The following ANP32B variants were observed in gnomAD, a reference collection of about 807,000 sequenced individuals.
ANP32B encodes acidic nuclear phosphoprotein 32 family member B, also known as acidic leucine-rich nuclear phosphoprotein 32 family member B.
Under a neutral mutation model 32.2 loss-of-function variants are expected in ANP32B, and 6 were observed. The observed-to-expected ratio is 0.19, with a 90% CI of 0.10 to 0.37. The LOEUF (loss-of-function observed/expected upper bound fraction) is 0.37, where lower values mean the gene tolerates loss of function less well. Ranked by LOEUF, ANP32B falls within the 10% of genes least tolerant of loss-of-function variation. ANP32B has a pLI of 1.00. For synonymous variants in ANP32B, 98 were observed against 105.8 expected (o/e 0.93, Z 0.45); for missense variants, 204 against 289.2 (o/e 0.71, Z 2.14).
rs375711808 is a variant in ANP32B, at chr9:97,988,638, T to C, written c.54+5029T>C. On this transcript the variant is annotated intron_variant, in intron 1 of 6. Coordinates refer to ENST00000339399, the MANE Select transcript of ANP32B (RefSeq NM_006401.3). Reference sequence around the variant, plus strand: ...TATTCTGGAGGCTGAGGCAGGAGAATTGCTTGAACCCCGGGGACAGAGTTT... The same window carrying C: ...TATTCTGGAGGCTGAGGCAGGAGAACTGCTTGAACCCCGGGGACAGAGTTT... 7.9e-5 allele frequency among the ~76,000 whole-genome samples: 12 copies of C among 152,150 alleles called. No homozygotes were observed. The South Asian group carries it at 2.5e-3, about 32-fold the overall frequency.
chr9:97,998,267 T>C (rs1242922780), intron 2 of ANP32B, among the ~76,000 whole-genome samples: 2 of 152,248 alleles, frequency 1.3e-5, no homozygotes, highest in African/African-American at 2.4e-5. Flanking sequence ...GGATTCTAAT[T>C]GGTTTTGACC....
intron 4 of ANP32B, chr9:98,005,373 G>C (rs1828062620): frequency 6.1e-6 from 2 of 330,138 alleles, no homozygotes; most frequent in African/African-American, 2.2e-5. Context: ...AAATTAGCCA[G>C]GTGTGGTGGC....
At chr9:98,015,312 C>G in intron 6 of ANP32B, 52 bp from the exon 7 acceptor site, 1 of 1,542,518 alleles carries the variant, frequency 6.5e-7, no homozygotes, top group South Asian at 1.2e-5. Context: ...TGGCAATAAT[C>G]TAAGCAAAAT....
rs1827633620 is a variant in ANP32B at position 97,983,543 on chromosome 9, G to GGAAGAGGGGA, written c.-12_-3dup. ...GCGGAAAGTTAAGTTTGAAGAGGGG[G>GGAAGAGGGGA]GAAGAGGGGAACATGGACATGAAGA... On this transcript the variant is annotated 5_prime_UTR_variant, in exon 1 of 7. Coordinates refer to ENST00000339399, the MANE Select transcript of ANP32B (RefSeq NM_006401.3). 1 of 1,571,314 alleles carries GGAAGAGGGGA rather than the reference G, an allele frequency of 6.4e-7. No homozygotes were observed. Among genetic ancestry groups the GGAAGAGGGGA allele is most frequent in the African/African-American group, 1.4e-5 (1 of 72,968 alleles).
intron 1 of ANP32B, among the ~76,000 whole-genome samples, chr9:97,990,972 A>G (rs1297351207): frequency 6.6e-6 from 1 of 152,032 alleles, no homozygotes; most frequent in Non-Finnish European, 1.5e-5. Context: ...GGTGCACACC[A>G]CCATGCCCGG....
intron 1 of ANP32B, 108 bp from the exon 2 acceptor site, chr9:97,994,523 C>T (rs1827875407): frequency 9.5e-7 from 1 of 1,053,222 alleles, no homozygotes; most frequent in South Asian, 1.6e-5. Flanking sequence ...AAGAGGCTGC[C>T]TGTATATATG....
Position 98,014,953 on chromosome 9 carries a change from A to G in ANP32B, c.689-411A>G, listed in dbSNP as rs569049168. The stretch of plus-strand genomic sequence containing the variant: ...TTTTTAGTAGAGACGGAGTTTCACC[A>G]TGTTGGCCAGGGTGGTCTGGAACTC... On this transcript the variant is annotated intron_variant, in intron 6 of 6. Coordinates refer to ENST00000339399, the MANE Select transcript of ANP32B (RefSeq NM_006401.3). 2.5e-4 allele frequency among the ~76,000 whole-genome samples: 38 copies of G among 152,330 alleles called. No individual in the cohort carries two copies. In the South Asian group the frequency reaches 7.2e-3, roughly 29 times the overall value.
intron 1 of ANP32B, among the ~76,000 whole-genome samples, chr9:97,994,185 T>C (rs1480824238): frequency 6.6e-6 from 1 of 152,174 alleles, no homozygotes; most frequent in African/African-American, 2.4e-5. Flanking sequence ...CAGAATCTCT[T>C]AGTGGTCTTG....
intron 3 of ANP32B, among the ~76,000 whole-genome samples, chr9:98,001,877 T>C (rs1827998874): frequency 6.6e-6 from 1 of 151,084 alleles, no homozygotes; most frequent in African/African-American, 2.4e-5. Context: ...CGATACAAAG[T>C]GGATAGAAAT....
chr9:98,012,481 A>C lies in ANP32B; in HGVS notation c.688+9A>C. 3 of 1,610,602 alleles carry C rather than the reference A, an allele frequency of 1.9e-6. No homozygotes were observed. Among genetic ancestry groups the C allele is most frequent in the Non-Finnish European group, 1.7e-6 (2 of 1,179,334 alleles). ...TGAGGATGAGGATGAAGGTGGGCCT[A>C]ATGCATGCATTTTGATCATTCTCAG... On this transcript the variant is annotated intron_variant, in intron 6 of 6. Coordinates refer to ENST00000339399, the MANE Select transcript of ANP32B (RefSeq NM_006401.3).
chr9:97,990,507 G>A lies in ANP32B; in HGVS notation c.55-4124G>A, dbSNP rs142031413. Among the ~76,000 whole-genome samples, 1,129 of 152,236 alleles carry A rather than the reference G, an allele frequency of 7.4e-3. 6 individuals are homozygous for A. Among genetic ancestry groups the A allele is most frequent in the South Asian group, 0.027 (132 of 4,820 alleles). On this transcript the variant is annotated intron_variant, in intron 1 of 6. Coordinates refer to ENST00000339399, the MANE Select transcript of ANP32B (RefSeq NM_006401.3). ...CTCATCTTCTCAGTATGCTTCTGGC[G>A]TTCTGTTCTTGGGGTGGCATGTTTC...
At chr9:97,995,621 G>A (rs969564781) in intron 2 of ANP32B, among the ~76,000 whole-genome samples, 2 of 151,986 alleles carry the variant, frequency 1.3e-5, no homozygotes, top group East Asian at 1.9e-4. Flanking sequence ...GGTGGAGTGG[G>A]TTAAGTATAA....
At chr9:98,015,330 C>T (rs975617321) in intron 6 of ANP32B, 34 bp from the exon 7 acceptor site, 8 of 1,547,748 alleles carry the variant, frequency 5.2e-6, no homozygotes, top group Non-Finnish European at 7.0e-6. Flanking sequence ...AATGCCTTTC[C>T]ACTGTCCTAA....
intron 1 of ANP32B, among the ~76,000 whole-genome samples, chr9:97,987,276 C>G (rs894212439): frequency 6.6e-6 from 1 of 152,098 alleles, no homozygotes; most frequent in Admixed American, 6.5e-5. Context: ...AAGTAATCTT[C>G]ATGAAGAATG....
intron 6 of ANP32B, 144 bp downstream of exon 6, chr9:98,012,616 C>T (rs1587882306): frequency 7.9e-7 from 1 of 1,264,270 alleles, no homozygotes; most frequent in Non-Finnish European, 1.1e-6. Context: ...TTTCTATCGT[C>T]CCATCAGTGT....
intron 1 of ANP32B, among the ~76,000 whole-genome samples, chr9:97,993,338 T>C (rs1827858805): frequency 6.6e-6 from 1 of 152,192 alleles, no homozygotes; most frequent in Non-Finnish European, 1.5e-5. Context: ...AGTAGCATCA[T>C]TGGATTTTGT....
At chr9:98,006,919 C>T (rs569009394) in intron 4 of ANP32B, among the ~76,000 whole-genome samples, 1 of 151,760 alleles carries the variant, frequency 6.6e-6, no homozygotes, top group Non-Finnish European at 1.5e-5. Flanking sequence ...ACCTGGGAGG[C>T]GGAGGTTGCA....
At chr9:98,002,548 A>G (rs957479163) in intron 3 of ANP32B, among the ~76,000 whole-genome samples, 1 of 152,186 alleles carries the variant, frequency 6.6e-6, no homozygotes, top group African/African-American at 2.4e-5. Context: ...TTTTGTGCCT[A>G]TTGGGCCTTA....
intron 3 of ANP32B, among the ~76,000 whole-genome samples, chr9:98,003,975 G>A (rs2131588506): frequency 6.6e-6 from 1 of 152,312 alleles, no homozygotes; most frequent in South Asian, 2.1e-4. Context: ...ACAAGGGTCT[G>A]CTGTCACTTC....
Sources: gnomAD v4.1 joint callset for allele counts (sites outside exome capture counted in the v4.1 genomes callset) on GRCh38, gnomAD v4.1.1 for gene constraint, MANE v1.5 for transcripts, NCBI Gene and HGNC (gene_info 2026-07-23, HGNC 2026-07-21) for gene names.